Variants in DIAPH3 observed in about 807,000 individuals in gnomAD.
DIAPH3 encodes the protein diaphanous related formin 3, also known as protein diaphanous homolog 3.
DIAPH3 carries 117 observed loss-of-function variants against 144.3 expected under a neutral mutation model. The ratio of observed to expected loss-of-function variants is 0.81; its 90% confidence interval spans 0.70 to 0.95. The LOEUF (loss-of-function observed/expected upper bound fraction) is 0.95, where lower values mean the gene tolerates loss of function less well. DIAPH3 is among the 40% of genes least tolerant of loss of function. DIAPH3 has a pLI of 0.00. For synonymous variants in DIAPH3, 519 were observed against 488.9 expected, an observed-to-expected ratio of 1.06 and a Z score of -0.81; for missense variants, 1,421 against 1,412.7, an observed-to-expected ratio of 1.01 and a Z score of -0.09.
At chr13:59,905,982 A>T (rs1219429758) in intron 20 of DIAPH3, among the ~76,000 whole-genome samples, 1 of 152,172 alleles carries the variant, frequency 6.6e-6, no homozygotes, top group African/African-American at 2.4e-5. Context: ...CAGCAACAGG[A>T]AACTAATATA....
chr13:59,838,823 T>G (rs1285648877), intron 23 of DIAPH3: 1 of 154,956 alleles, frequency 6.5e-6, no homozygotes. Context: ...GATCATACAT[T>G]TGTGGGTGGG....
chr13:59,972,600 T>A (rs990201499), intron 15 of DIAPH3, among the ~76,000 whole-genome samples: 2 of 152,300 alleles, frequency 1.3e-5, no homozygotes, highest in Non-Finnish European at 2.9e-5. Flanking sequence ...GCATGCCTTA[T>A]CAAAACCATT....
intron 25 of DIAPH3, among the ~76,000 whole-genome samples, chr13:59,791,134 A>G (rs937985694): frequency 6.6e-6 from 1 of 151,876 alleles, no homozygotes; most frequent in Non-Finnish European, 1.5e-5. Context: ...CCAAGTAATT[A>G]AAAAAAATTT....
intron 20 of DIAPH3, among the ~76,000 whole-genome samples, chr13:59,897,604 T>G (rs2046185916): frequency 6.6e-6 from 1 of 150,954 alleles, no homozygotes; most frequent in Admixed American, 6.6e-5. Flanking sequence ...AAAAATTAGC[T>G]AGGCATGGTG....
intron 2 of DIAPH3, among the ~76,000 whole-genome samples, chr13:60,127,060 G>C (rs2059010850): frequency 6.6e-6 from 1 of 151,994 alleles, no homozygotes. Context: ...ACAAAAGCTA[G>C]TTTTTCAAAA....
chr13:59,844,105 TAAAAAAAA>T (rs60906914), intron 22 of DIAPH3, among the ~76,000 whole-genome samples: 1 of 144,860 alleles, frequency 6.9e-6, no homozygotes, highest in Non-Finnish European at 1.5e-5. Context: ...TCCCAGAACT[TAAAAAAAA>T]AAAAAAAGAA....
At chr13:60,120,285 A>T (rs1006669837) in intron 2 of DIAPH3, among the ~76,000 whole-genome samples, 3 of 152,196 alleles carry the variant, frequency 2.0e-5, no homozygotes, top group Non-Finnish European at 2.9e-5. Flanking sequence ...GTGGAGAGAA[A>T]AACCAACCAT....
intron 4 of DIAPH3, among the ~76,000 whole-genome samples, chr13:60,087,926 C>T (rs1014312515): frequency 2.0e-5 from 3 of 152,094 alleles, no homozygotes; most frequent in African/African-American, 7.2e-5. Flanking sequence ...GCCAATGATA[C>T]GTGGATAAGG....
chr13:59,997,495 CT>C (rs1555352717), intron 9 of DIAPH3, among the ~76,000 whole-genome samples: 1 of 152,026 alleles, frequency 6.6e-6, no homozygotes. Flanking sequence ...GTGAATAGTG[CT>C]GTAATAAACA....
intron 3 of DIAPH3, among the ~76,000 whole-genome samples, chr13:60,098,539 T>C (rs991690352): frequency 7.9e-5 from 12 of 151,924 alleles, no homozygotes; most frequent in African/African-American, 2.9e-4. Context: ...TGAAAATAAT[T>C]TACTTGATAT....
At chr13:60,105,099 C>CG (rs2058376167) in intron 3 of DIAPH3, among the ~76,000 whole-genome samples, 1 of 41,842 alleles carries the variant, frequency 2.4e-5, no homozygotes, top group Non-Finnish European at 4.4e-5. Context: ...GACACGATCT[C>CG]AAAAAAAAAA....
At chr13:59,933,362 T>C (rs17057463) in intron 17 of DIAPH3, among the ~76,000 whole-genome samples, 11,248 of 152,218 alleles carry the variant, frequency 0.074, 472 homozygotes, top group Admixed American at 0.11. Context: ...GATAAATACC[T>C]TCATGTAACC....
chr13:60,105,091 C>A (rs2058374485), intron 3 of DIAPH3, among the ~76,000 whole-genome samples: 2 of 16,950 alleles, frequency 1.2e-4, no homozygotes, highest in Non-Finnish European at 2.0e-4. Flanking sequence ...CAAAGTGAGA[C>A]ACGATCTCAA....
chr13:59,685,153 G>T (rs181034571), intron 27 of DIAPH3, among the ~76,000 whole-genome samples: 1 of 151,866 alleles, frequency 6.6e-6, no homozygotes, highest in Admixed American at 6.6e-5. Flanking sequence ...GTGAAGGGTG[G>T]GAAGGAGATT....
intron 17 of DIAPH3, among the ~76,000 whole-genome samples, chr13:59,956,561 G>A (rs925041897): frequency 1.4e-4 from 21 of 152,350 alleles, no homozygotes; most frequent in South Asian, 6.2e-4. Context: ...CATGCTGCAG[G>A]GGCAAAGCCC....
chr13:59,859,322 C>T (rs1195630089), intron 22 of DIAPH3, among the ~76,000 whole-genome samples: 1 of 152,022 alleles, frequency 6.6e-6, no homozygotes, highest in Non-Finnish European at 1.5e-5. Context: ...CCCAAAACCC[C>T]AGAACGCCCT....
At chr13:59,951,885 C>G (rs1046339754) in intron 17 of DIAPH3, among the ~76,000 whole-genome samples, 1 of 152,066 alleles carries the variant, frequency 6.6e-6, no homozygotes, top group Non-Finnish European at 1.5e-5. Context: ...ATAGAATTAC[C>G]AAATAATACA....
chr13:59,754,370 T>C (rs1416075869), intron 27 of DIAPH3, among the ~76,000 whole-genome samples: 1 of 152,152 alleles, frequency 6.6e-6, no homozygotes, highest in Non-Finnish European at 1.5e-5. Context: ...CTCAACAGCG[T>C]CTGACACGTA....
intron 27 of DIAPH3, among the ~76,000 whole-genome samples, chr13:59,692,696 C>A (rs1200683239): frequency 6.6e-6 from 1 of 152,140 alleles, no homozygotes; most frequent in Non-Finnish European, 1.5e-5. Flanking sequence ...ACCACCACCA[C>A]CTCCATCAAC....
Sources: allele counts gnomAD v4.1 joint callset (sites outside exome capture counted in the v4.1 genomes callset), GRCh38; gene constraint gnomAD v4.1.1; transcripts MANE v1.5; gene names NCBI Gene and HGNC (gene_info 2026-07-23, HGNC 2026-07-21).